Variants in LRMDA observed in about 807,000 individuals in gnomAD.
LRMDA encodes the protein leucine-rich melanocyte differentiation-associated protein.
Under a neutral mutation model 29.8 loss-of-function variants are expected in LRMDA, and 18 were observed. The observed-to-expected ratio is 0.60, with a 90% CI of 0.42 to 0.90. The LOEUF is 0.90. LRMDA is among the 40% of genes least tolerant of loss of function. The probability of loss-of-function intolerance (pLI) is 0.00; values close to 1 mark genes in which losing one functional copy is unlikely to be tolerated. For synonymous variants in LRMDA, 125 were observed against 109.4 expected (o/e 1.14, Z -0.89); for missense variants, 273 against 273.9 (o/e 1.00, Z 0.02).
chr10:75,611,360 T>A (rs954089679), intron 2 of LRMDA, among the ~76,000 whole-genome samples: 2 of 152,236 alleles, frequency 1.3e-5, no homozygotes, highest in Non-Finnish European at 2.9e-5. Context: ...TTCCTTTTTA[T>A]TGTAATAAAA....
At chr10:75,813,408 T>C (rs1407271686) in intron 2 of LRMDA, among the ~76,000 whole-genome samples, 1 of 152,228 alleles carries the variant, frequency 6.6e-6, no homozygotes, top group East Asian at 1.9e-4. Flanking sequence ...CAGAATCTGT[T>C]GTGAGGAAGC....
At chr10:75,802,335 G>GCGCGCA (rs1375156075) in intron 2 of LRMDA, among the ~76,000 whole-genome samples, 6 of 147,044 alleles carry the variant, frequency 4.1e-5, no homozygotes, top group African/African-American at 7.6e-5. Context: ...ACACACACGC[G>GCGCGCA]CACACACACA....
At chr10:75,960,636 T>G (rs773521081) in intron 2 of LRMDA, among the ~76,000 whole-genome samples, 9 of 152,186 alleles carry the variant, frequency 5.9e-5, no homozygotes, top group Non-Finnish European at 1.0e-4. Flanking sequence ...ATTTTAGAGA[T>G]AGAGTCTCAC....
intron 5 of LRMDA, among the ~76,000 whole-genome samples, chr10:76,156,117 A>T (rs953473054): frequency 1.3e-5 from 2 of 152,214 alleles, no homozygotes; most frequent in Non-Finnish European, 2.9e-5. Context: ...TATGCAATGT[A>T]AATGGCTAAA....
intron 5 of LRMDA, among the ~76,000 whole-genome samples, chr10:76,171,796 C>T (rs969537593): frequency 6.6e-6 from 1 of 152,158 alleles, no homozygotes. Context: ...ACCTTCCTGC[C>T]TTATACAGTT....
chr10:76,147,820 C>G (rs1162581975), intron 5 of LRMDA, among the ~76,000 whole-genome samples: 1 of 152,152 alleles, frequency 6.6e-6, no homozygotes, highest in African/African-American at 2.4e-5. Context: ...GTGGTTTTAT[C>G]TACCTTTGGT....
At chr10:75,511,961 C>CT (rs1845230797) in intron 2 of LRMDA, among the ~76,000 whole-genome samples, 1 of 152,186 alleles carries the variant, frequency 6.6e-6, no homozygotes, top group South Asian at 2.1e-4. Context: ...CTAGCTTGGT[C>CT]TGAAGTTTGG....
At chr10:75,565,942 G>T (rs1340190011) in intron 2 of LRMDA, among the ~76,000 whole-genome samples, 4 of 152,162 alleles carry the variant, frequency 2.6e-5, no homozygotes, top group African/African-American at 9.7e-5. Context: ...GGGTATGGTT[G>T]TATGTGTCTG....
intron 2 of LRMDA, among the ~76,000 whole-genome samples, chr10:75,869,725 G>A (rs980177213): frequency 5.9e-5 from 9 of 152,094 alleles, no homozygotes; most frequent in Admixed American, 2.0e-4. Context: ...TAGGTTCTCC[G>A]TAATCTGGTT....
chr10:75,612,550 T>C (rs935472304), intron 2 of LRMDA, among the ~76,000 whole-genome samples: 3 of 151,830 alleles, frequency 2.0e-5, no homozygotes, highest in African/African-American at 7.2e-5. Flanking sequence ...TTGTTTATTA[T>C]GTATGATGTG....
intron 5 of LRMDA, among the ~76,000 whole-genome samples, chr10:76,196,993 G>A (rs1026181338): frequency 1.3e-5 from 2 of 152,136 alleles, no homozygotes; most frequent in Admixed American, 1.3e-4. Flanking sequence ...CCAGTCAGCT[G>A]TAACATCACG....
chr10:76,336,864 G>C (rs529371155), intron 6 of LRMDA, among the ~76,000 whole-genome samples: 30 of 152,170 alleles, frequency 2.0e-4, no homozygotes, highest in Admixed American at 1.8e-3. Context: ...TTTTGATTAA[G>C]GAAACCCATA....
At chr10:76,047,340 G>A (rs762340552) in intron 4 of LRMDA, 37 bp downstream of exon 4, 9 of 1,558,528 alleles carry the variant, frequency 5.8e-6, no homozygotes, top group African/African-American at 1.4e-5. Flanking sequence ...TGGGAAAAGG[G>A]AAAAAGAGAA....
At chr10:75,964,976 G>A (rs1435183662) in intron 2 of LRMDA, among the ~76,000 whole-genome samples, 1 of 152,168 alleles carries the variant, frequency 6.6e-6, no homozygotes, top group African/African-American at 2.4e-5. Flanking sequence ...ATGTTGGCGA[G>A]GCTGGTCTTG....
chr10:76,254,358 CCTATG>C (rs56303431), intron 5 of LRMDA, among the ~76,000 whole-genome samples: 6 of 131,314 alleles, frequency 4.6e-5, no homozygotes, highest in Non-Finnish European at 8.1e-5. Flanking sequence ...CCTATCCTAT[CCTATG>C]CTATGCTATG....
At chr10:76,535,862 C>G (rs936795278) in intron 6 of LRMDA, 2 of 152,206 alleles carry the variant, frequency 1.3e-5, no homozygotes, top group African/African-American at 4.8e-5. Flanking sequence ...ACTGCAACCT[C>G]CGCCTCCCCG....
intron 2 of LRMDA, among the ~76,000 whole-genome samples, chr10:75,481,320 G>T (rs1341821514): frequency 6.6e-6 from 1 of 152,094 alleles, no homozygotes; most frequent in Non-Finnish European, 1.5e-5. Flanking sequence ...GCAGATTTGT[G>T]CTTTGCCAGA....
chr10:76,328,075 A>C (rs1840859498), intron 6 of LRMDA, among the ~76,000 whole-genome samples: 1 of 152,228 alleles, frequency 6.6e-6, no homozygotes, highest in African/African-American at 2.4e-5. Context: ...GGTCCACCTG[A>C]ATTCTTTCTG....
intron 2 of LRMDA, among the ~76,000 whole-genome samples, chr10:76,014,122 ATAATTATATATATATATATATAAT>A (rs1453423919): frequency 1.1e-4 from 15 of 133,626 alleles, no homozygotes; most frequent in African/African-American, 4.3e-4. Context: ...ATATATATAT[ATAATTATATATATATATATATAAT>A]TATATATATA....
Sources: gnomAD v4.1 joint callset for allele counts (sites outside exome capture counted in the v4.1 genomes callset) on GRCh38, gnomAD v4.1.1 for gene constraint, MANE v1.5 for transcripts, NCBI Gene and HGNC (gene_info 2026-07-23, HGNC 2026-07-21) for gene names.